Variants in FRAS1 observed in about 807,000 individuals in gnomAD.
The protein encoded by FRAS1 is extracellular matrix organizing protein FRAS1.
FRAS1 carries 290 observed loss-of-function variants against 435.2 expected under a neutral mutation model. The ratio of observed to expected loss-of-function variants is 0.67; its 90% CI spans 0.61 to 0.73. The LOEUF is 0.73. Ranked by LOEUF, FRAS1 falls within the 30% of genes least tolerant of loss-of-function variation. The pLI, the probability that FRAS1 is intolerant of heterozygous loss-of-function variation, is 0.00. For synonymous variants in FRAS1, 1,800 were observed against 1,851.0 expected (o/e 0.97, Z 0.71); for missense variants, 4,860 against 5,001.5 (o/e 0.97, Z 0.85).
At chr4:78,533,039 AT>A (rs1721769362) in intron 70 of FRAS1, among the ~76,000 whole-genome samples, 1 of 152,058 alleles carries the variant, frequency 6.6e-6, no homozygotes, top group South Asian at 2.1e-4. Flanking sequence ...TCTATTTTTA[AT>A]TTTTTGAGGA....
intron 2 of FRAS1, among the ~76,000 whole-genome samples, chr4:78,122,781 A>G (rs1275457445): frequency 1.3e-5 from 2 of 152,176 alleles, no homozygotes. Context: ...TCTTCTTTTG[A>G]GAAGTGTCTG....
chr4:78,465,846 A>G (rs1350642725), intron 49 of FRAS1, among the ~76,000 whole-genome samples: 1 of 152,252 alleles, frequency 6.6e-6, no homozygotes, highest in South Asian at 2.1e-4. Context: ...GTTGTGATGC[A>G]TATGAAATTC....
rs1719734492 is a variant in FRAS1, at chr4:78,472,290, C to A, written c.7482C>A (p.Asn2494Lys). ...TTGPKHGFVE[N>K]KLQPGRAAAT... is the part of the protein sequence containing the mutation. ...GCCCTAAGCATGGCTTTGTGGAGAA[C>A]AAGCTGCAGCCTGGCAGAGCTGCTG... Residue 2494 changes from asparagine (N) to lysine (K), a missense_variant, in exon 52 of 74, where the codon AAC becomes AAA. Transcript: ENST00000512123. The A allele has an allele frequency of 1.9e-6, 3 of 1,611,354 alleles. No individual in the cohort carries two copies.
At chr4:78,453,810 A>C (rs1719098524) in intron 47 of FRAS1, among the ~76,000 whole-genome samples, 2 of 152,018 alleles carry the variant, frequency 1.3e-5, no homozygotes, top group Admixed American at 6.6e-5. Flanking sequence ...AAAAAAAGAC[A>C]ATCTAAAGGT....
chr4:78,145,900 G>C (rs539828909), intron 2 of FRAS1, among the ~76,000 whole-genome samples: 1 of 152,128 alleles, frequency 6.6e-6, no homozygotes, highest in Non-Finnish European at 1.5e-5. Context: ...ATAAACATCT[G>C]GCTTTTCCCC....
intron 61 of FRAS1, among the ~76,000 whole-genome samples, chr4:78,501,254 A>G (rs918293354): frequency 1.3e-5 from 2 of 152,136 alleles, no homozygotes; most frequent in Non-Finnish European, 1.5e-5. Context: ...GCTGAGAATG[A>G]TGGTTTCCAG....
At chr4:78,448,579 T>C (rs914520886) in intron 44 of FRAS1, among the ~76,000 whole-genome samples, 4 of 152,140 alleles carry the variant, frequency 2.6e-5, no homozygotes, top group Non-Finnish European at 5.9e-5. Context: ...TTATAATATT[T>C]CCAGGGCCCT....
intron 5 of FRAS1, among the ~76,000 whole-genome samples, chr4:78,253,680 G>A (rs760084562): frequency 6.6e-5 from 10 of 152,070 alleles, no homozygotes; most frequent in Admixed American, 2.0e-4. Flanking sequence ...TTGGAAGGGC[G>A]CAGTGTCCCA....
chr4:78,471,320 G>C (rs1719700689), intron 51 of FRAS1, among the ~76,000 whole-genome samples: 1 of 151,986 alleles, frequency 6.6e-6, no homozygotes, highest in South Asian at 2.1e-4. Context: ...TTAGTTCATT[G>C]TATGTGTAGA....
chr4:78,156,965 T>C (rs1037335326), intron 2 of FRAS1, among the ~76,000 whole-genome samples: 27 of 152,186 alleles, frequency 1.8e-4, no homozygotes, highest in African/African-American at 6.5e-4. Flanking sequence ...AGCTTCTGAG[T>C]CTCAGTCTCC....
intron 2 of FRAS1, among the ~76,000 whole-genome samples, chr4:78,135,723 C>T (rs1719890483): frequency 6.6e-6 from 1 of 152,162 alleles, no homozygotes; most frequent in Admixed American, 6.5e-5. Context: ...TCAAGTACAG[C>T]ACTACTGCAC....
chr4:78,538,974 T>G (rs1578381159), intron 72 of FRAS1, among the ~76,000 whole-genome samples: 2 of 127,812 alleles, frequency 1.6e-5, no homozygotes, highest in South Asian at 2.6e-4. Flanking sequence ...AAAAAAAAAA[T>G]CAGATCTCAT....
At chr4:78,524,262 G>A (rs1179567827) in intron 69 of FRAS1, among the ~76,000 whole-genome samples, 1 of 152,178 alleles carries the variant, frequency 6.6e-6, no homozygotes, top group Non-Finnish European at 1.5e-5. Flanking sequence ...TTCTGAGCAA[G>A]TATCTTTTAG....
At chr4:78,291,231 T>C (rs1169955516) in intron 14 of FRAS1, among the ~76,000 whole-genome samples, 1 of 152,194 alleles carries the variant, frequency 6.6e-6, no homozygotes, top group East Asian at 1.9e-4. Flanking sequence ...GTCCCCAACC[T>C]TTTTGGCACG....
At chr4:78,202,295 G>A (rs768666698) in intron 2 of FRAS1, among the ~76,000 whole-genome samples, 9 of 152,072 alleles carry the variant, frequency 5.9e-5, no homozygotes, top group African/African-American at 1.4e-4. Context: ...TTCCAAATTC[G>A]TGCCCCCTCA....
intron 58 of FRAS1, among the ~76,000 whole-genome samples, chr4:78,488,613 G>A (rs191094989): frequency 3.3e-5 from 5 of 152,292 alleles, no homozygotes; most frequent in East Asian, 1.9e-4. Flanking sequence ...GATGGTGACA[G>A]CATTTTGAAG....
rs896925540 is a variant in FRAS1 at position 78,464,289 on chromosome 4, C to A, written c.6888+144C>A. 4 of 1,373,054 alleles carry A rather than the reference C, an allele frequency of 2.9e-6. No homozygotes were observed. The African/African-American group carries it at 5.8e-5, about 20-fold the overall frequency. 85.1% of individuals were successfully genotyped at this position (1,373,054 alleles called of 1,614,324 possible). ...GGGGTAGGGGCAGCCTCTGTAGCCA[C>A]CTTGGCTCTTGCCCAAGAGGACTCA... On this transcript the variant is annotated intron_variant, in intron 48 of 73. Transcript: ENST00000512123.
intron 18 of FRAS1, among the ~76,000 whole-genome samples, chr4:78,326,083 T>G (rs1433243139): frequency 3.3e-5 from 5 of 152,190 alleles, no homozygotes; most frequent in Non-Finnish European, 7.3e-5. Flanking sequence ...GAGTTCACAC[T>G]GTTGTTACTG....
chr4:78,540,509 T>C (rs1362277578), intron 73 of FRAS1, 22 bp from the exon 74 acceptor site: 2 of 1,455,218 alleles, frequency 1.4e-6, no homozygotes, highest in Non-Finnish European at 1.8e-6. Flanking sequence ...AACAACAACA[T>C]GTTCGGTTTG....
Sources: gnomAD v4.1 joint callset for allele counts (sites outside exome capture counted in the v4.1 genomes callset) on GRCh38, gnomAD v4.1.1 for gene constraint, MANE v1.5 for transcripts, NCBI Gene and HGNC (gene_info 2026-07-23, HGNC 2026-07-21) for gene names.